Variants in RALYL observed in about 807,000 individuals in gnomAD.
RALYL encodes the protein RALY RNA binding protein like, also known as RNA-binding Raly-like protein.
A neutral mutation model predicts 35.1 loss-of-function variants in RALYL; 29 were observed. The observed-to-expected ratio is 0.83, with a 90% CI of 0.61 to 1.13. The LOEUF (loss-of-function observed/expected upper bound fraction) is 1.13, where lower values mean the gene tolerates loss of function less well. Ranked by LOEUF, RALYL falls within the 50% of genes most tolerant of loss-of-function variation. The probability of loss-of-function intolerance (pLI) is 0.00; values close to 1 mark genes in which losing one functional copy is unlikely to be tolerated. For synonymous variants in RALYL, 120 were observed against 127.6 expected (o/e 0.94, Z 0.40); for missense variants, 359 against 360.4 (o/e 1.00, Z 0.03).
intron 7 of RALYL, among the ~76,000 whole-genome samples, chr8:84,882,852 C>T (rs6999087): frequency 0.46 from 69,553 of 151,678 alleles, 18,957 homozygotes; most frequent in African/African-American, 0.75. Flanking sequence ...TACTCATCTC[C>T]AAGAAAAGTA....
At chr8:84,272,226 G>A (rs545334351) in intron 1 of RALYL, among the ~76,000 whole-genome samples, 1 of 152,140 alleles carries the variant, frequency 6.6e-6, no homozygotes, top group South Asian at 2.1e-4. Flanking sequence ...CTGAGTAGCT[G>A]GGAAAACAGG....
At chr8:84,292,451 T>C (rs1430829418) in intron 1 of RALYL, among the ~76,000 whole-genome samples, 1 of 152,058 alleles carries the variant, frequency 6.6e-6, no homozygotes, top group Non-Finnish European at 1.5e-5. Context: ...CCAGAGCAAC[T>C]CCCTCTTAAA....
intron 1 of RALYL, among the ~76,000 whole-genome samples, chr8:84,331,493 G>C (rs915663705): frequency 1.3e-5 from 2 of 151,944 alleles, no homozygotes; most frequent in Non-Finnish European, 1.5e-5. Context: ...TCTGAACTTG[G>C]ATGCCACATC....
chr8:84,470,474 T>A (rs2052580470), intron 1 of RALYL, among the ~76,000 whole-genome samples: 1 of 151,998 alleles, frequency 6.6e-6, no homozygotes, highest in South Asian at 2.1e-4. Flanking sequence ...ATGGGTTTTT[T>A]TTTTTTCTGT....
At chr8:84,408,548 T>C (rs1433638839) in intron 1 of RALYL, among the ~76,000 whole-genome samples, 1 of 152,206 alleles carries the variant, frequency 6.6e-6, no homozygotes, top group African/African-American at 2.4e-5. Context: ...TTCTTTCTTA[T>C]TTCATATAGC....
At chr8:84,471,690 T>C (rs1022154664) in intron 1 of RALYL, among the ~76,000 whole-genome samples, 1 of 152,248 alleles carries the variant, frequency 6.6e-6, no homozygotes, top group Non-Finnish European at 1.5e-5. Context: ...CTTCATTAGA[T>C]AGATGCAGCA....
chr8:84,580,892 C>G (rs2135966758), intron 2 of RALYL, among the ~76,000 whole-genome samples: 1 of 152,232 alleles, frequency 6.6e-6, no homozygotes, highest in Non-Finnish European at 1.5e-5. Flanking sequence ...GGTTCTACAG[C>G]CTTGAAGGTA....
chr8:84,686,118 A>AT (rs912917160), intron 2 of RALYL, among the ~76,000 whole-genome samples: 14 of 152,224 alleles, frequency 9.2e-5, no homozygotes, highest in African/African-American at 3.4e-4. Flanking sequence ...AGTAACCTTA[A>AT]TTTTTTTCTT....
intron 1 of RALYL, among the ~76,000 whole-genome samples, chr8:84,298,681 T>G (rs1024510331): frequency 2.6e-5 from 4 of 152,106 alleles, no homozygotes; most frequent in African/African-American, 9.6e-5. Context: ...ATTCTTTCTG[T>G]TCATAAGCAT....
chr8:84,435,345 A>G (rs1163627318), intron 1 of RALYL, among the ~76,000 whole-genome samples: 2 of 152,124 alleles, frequency 1.3e-5, no homozygotes, highest in Non-Finnish European at 2.9e-5. Context: ...TTATCCCTCT[A>G]TTATTGGTAG....
At chr8:84,407,034 A>G (rs1162129337) in intron 1 of RALYL, among the ~76,000 whole-genome samples, 2 of 149,366 alleles carry the variant, frequency 1.3e-5, no homozygotes, top group Non-Finnish European at 3.0e-5. Context: ...ATATATATAT[A>G]TACACACACA....
intron 2 of RALYL, among the ~76,000 whole-genome samples, chr8:84,569,059 C>G (rs1461567805): frequency 6.7e-6 from 1 of 150,106 alleles, no homozygotes; most frequent in Non-Finnish European, 1.5e-5. Flanking sequence ...TAATTAGATC[C>G]CATTTGTCAG....
intron 2 of RALYL, among the ~76,000 whole-genome samples, chr8:84,695,506 T>C (rs1306118614): frequency 6.6e-6 from 1 of 151,858 alleles, no homozygotes; most frequent in African/African-American, 2.4e-5. Flanking sequence ...TAAACAGATA[T>C]TTTAACTGGT....
chr8:84,663,129 C>T (rs1831245495), intron 2 of RALYL, among the ~76,000 whole-genome samples: 1 of 152,094 alleles, frequency 6.6e-6, no homozygotes, highest in Non-Finnish European at 1.5e-5. Flanking sequence ...TAATGGATTC[C>T]AGCTCCATCC....
At chr8:84,387,801 T>C (rs571342446) in intron 1 of RALYL, among the ~76,000 whole-genome samples, 17 of 142,316 alleles carry the variant, frequency 1.2e-4, no homozygotes, top group Admixed American at 6.9e-4. Context: ...CTTTCTTTCT[T>C]TCTTTTTTTT....
At chr8:84,602,840 G>A (rs371405890) in intron 2 of RALYL, among the ~76,000 whole-genome samples, 5 of 152,090 alleles carry the variant, frequency 3.3e-5, no homozygotes, top group African/African-American at 1.2e-4. Flanking sequence ...AGTTCAGCCT[G>A]TGATTAGTAA....
chr8:84,820,432 AAAAC>A (rs1452757761), intron 4 of RALYL, among the ~76,000 whole-genome samples: 1 of 152,224 alleles, frequency 6.6e-6, no homozygotes, highest in Non-Finnish European at 1.5e-5. Flanking sequence ...AATCACATAT[AAAAC>A]AAACAAAGCT....
chr8:84,752,505 G>C (rs998308940), intron 2 of RALYL, among the ~76,000 whole-genome samples: 3 of 152,176 alleles, frequency 2.0e-5, no homozygotes, highest in African/African-American at 7.2e-5. Context: ...AGGAAGGCAA[G>C]TGCTGATAGC....
intron 2 of RALYL, among the ~76,000 whole-genome samples, chr8:84,610,578 T>G (rs986446242): frequency 3.3e-5 from 5 of 152,150 alleles, no homozygotes; most frequent in African/African-American, 1.2e-4. Context: ...TTGTGTATTG[T>G]GCTCTTTGAA....
Sources: gnomAD v4.1 joint callset for allele counts (sites outside exome capture counted in the v4.1 genomes callset) on GRCh38, gnomAD v4.1.1 for gene constraint, MANE v1.5 for transcripts, NCBI Gene and HGNC (gene_info 2026-07-23, HGNC 2026-07-21) for gene names.